Variants in CERS3 observed in about 807,000 individuals in gnomAD.
CERS3 encodes LAG1 homolog, ceramide synthase 3.
A neutral mutation model predicts 50.3 loss-of-function variants in CERS3; 33 were observed. The ratio of observed to expected loss-of-function variants is 0.66; its 90% CI spans 0.50 to 0.88. CERS3 has a LOEUF of 0.88. CERS3 is among the 40% of genes least tolerant of loss of function. CERS3 has a pLI of 0.00. For missense variants in CERS3, 470 were observed against 460.3 expected (o/e 1.02, Z -0.19); for synonymous variants, 176 against 155.2 (o/e 1.13, Z -0.99).
intron 11 of CERS3, among the ~76,000 whole-genome samples, chr15:100,441,973 T>A (rs544499817): frequency 6.6e-6 from 1 of 152,162 alleles, no homozygotes; most frequent in South Asian, 2.1e-4. Context: ...CAATTCTTCC[T>A]CAGCCTCCGC....
intron 10 of CERS3, among the ~76,000 whole-genome samples, chr15:100,463,339 G>A (rs1184759585): frequency 1.3e-5 from 2 of 148,674 alleles, no homozygotes; most frequent in Admixed American, 6.8e-5. Flanking sequence ...GGAGGCTGAG[G>A]CAGGAGAATC....
Position 100,479,977 on chromosome 15 carries a change from A to T in CERS3, c.465+12T>A. 3.1e-6 allele frequency: 5 copies of T among 1,591,398 alleles called. No individual in the cohort carries two copies. The highest frequency in any genetic ancestry group is 4.3e-6 in the Non-Finnish European group (5 of 1,164,542). ...GACAAATTCCAATCGAAGATATAAA[A>T]AGATAACTTACATCATAAAGAAACG... is the stretch of plus-strand genomic sequence containing the variant. On this transcript the variant is annotated intron_variant, in intron 6 of 11. Coordinates refer to ENST00000679737, the MANE Select transcript of CERS3 (RefSeq NM_001378789.1).
At position 100,490,876 on chromosome 15, in the gene CERS3, C is replaced by T. The variant is rs768251163; in HGVS notation, c.229G>A (p.Val77Ile). The T allele has an allele frequency of 1.9e-6, 3 of 1,612,086 alleles. No individual in the cohort carries two copies. The highest frequency in any genetic ancestry group is 1.3e-5 in the African/African-American group (1 of 74,932). ...SFGIKETVRK[V>I]TPNTVLENFF... ...TTCTCTAAGACAGTATTTGGTGTAA[C>T]CTTTCGAACTGTCTCTTTAATGCCA... Residue 77 changes from valine to isoleucine, a missense_variant, in exon 4 of 12, where the codon GTT becomes ATT. By Grantham distance (29) the Val-to-Ile change is conservative. Transcript: ENST00000679737.
intron 2 of CERS3, among the ~76,000 whole-genome samples, chr15:100,502,553 T>C (rs2036044885): frequency 6.6e-6 from 1 of 152,192 alleles, no homozygotes; most frequent in East Asian, 1.9e-4. Flanking sequence ...AGGCTCCAGG[T>C]AGGTACAAAT....
rs940395048 is a variant in CERS3 at position 100,445,906 on chromosome 15, G to T, written c.999+9987C>A. On this transcript the variant is annotated intron_variant, in intron 11 of 11. Coordinates refer to ENST00000679737, the MANE Select transcript of CERS3 (RefSeq NM_001378789.1). ...TAACTGATGACAGTCCACCACAAAAGAAGTGAAAATGGCCTGTTCCTGCCT... is the reference window on the plus strand; with the variant it reads ...TAACTGATGACAGTCCACCACAAAATAAGTGAAAATGGCCTGTTCCTGCCT... Among the ~76,000 whole-genome samples the T allele has an allele frequency of 2.2e-4, 34 of 152,296 alleles. No individual in the cohort carries two copies. In the South Asian group the frequency reaches 3.7e-3, roughly 17 times the overall value.
At position 100,519,968 on chromosome 15, in the gene CERS3, C is replaced by G. The variant is rs1393168701; in HGVS notation, c.-2+1699G>C. On this transcript the variant is annotated intron_variant, in intron 2 of 11. Coordinates refer to ENST00000679737, the MANE Select transcript of CERS3 (RefSeq NM_001378789.1). ...TTGGCCCTCCTCTGGCCTCACTTCT[C>G]CCTTGGGTGAGGAGTCCATAGGTTC... Among the ~76,000 whole-genome samples the G allele has an allele frequency of 3.3e-5, 5 of 152,288 alleles. No individual in the cohort carries two copies. The East Asian group carries it at 9.7e-4, about 29-fold the overall frequency.
At chr15:100,513,364 C>T (rs150895488) in intron 2 of CERS3, among the ~76,000 whole-genome samples, 69 of 152,220 alleles carry the variant, frequency 4.5e-4, no homozygotes, top group African/African-American at 1.6e-3. Flanking sequence ...CCTGTCTTCC[C>T]TCTCCCTGCA....
chr15:100,452,929 G>A (rs762384040), intron 11 of CERS3, among the ~76,000 whole-genome samples: 12 of 151,954 alleles, frequency 7.9e-5, no homozygotes, highest in Non-Finnish European at 1.3e-4. Context: ...CACATACAAC[G>A]TCCCAAGGCT....
intron 3 of CERS3, among the ~76,000 whole-genome samples, chr15:100,494,776 T>C (rs1467210533): frequency 1.3e-5 from 2 of 152,206 alleles, no homozygotes; most frequent in Non-Finnish European, 2.9e-5. Context: ...GCACAGAGCC[T>C]AAAGGTCATT....
upstream of CERS3, among the ~76,000 whole-genome samples, chr15:100,529,591 C>T (rs1363575644): frequency 1.3e-5 from 2 of 152,292 alleles, no homozygotes; most frequent in South Asian, 2.1e-4. Context: ...TGTTGCTTGT[C>T]TCTGTGTGCT....
chr15:100,408,071 T>C (rs144699613), intron 11 of CERS3, among the ~76,000 whole-genome samples: 1,808 of 152,058 alleles, frequency 0.012, 46 homozygotes, highest in African/African-American at 0.041. Flanking sequence ...GGGGTTTCAC[T>C]ATGTTGGCCA....
At chr15:100,510,393 T>C (rs2036305203) in intron 2 of CERS3, among the ~76,000 whole-genome samples, 1 of 152,088 alleles carries the variant, frequency 6.6e-6, no homozygotes, top group Admixed American at 6.6e-5. Context: ...TTAACAATTA[T>C]ATTAATTTAA....
intron 10 of CERS3, among the ~76,000 whole-genome samples, chr15:100,463,899 A>G (rs1317829884): frequency 1.3e-5 from 2 of 152,190 alleles, no homozygotes; most frequent in Non-Finnish European, 1.5e-5. Context: ...CTTCAGAGGA[A>G]AAGAAGGGTC....
rs139935431 is a variant in CERS3 at position 100,478,478 on chromosome 15, A to T, written c.516+950T>A. 2.0e-5 allele frequency among the ~76,000 whole-genome samples: 3 copies of T among 151,386 alleles called. No individual in the cohort carries two copies. The East Asian group carries it at 5.8e-4, about 29-fold the overall frequency. ...AGCCAGAGTATCAGTATTTGGGCCA[A>T]TCCTTCCATCCCTAATCCCCATAGG... On this transcript the variant is annotated intron_variant, in intron 7 of 11. Transcript: ENST00000679737.
intron 11 of CERS3, among the ~76,000 whole-genome samples, chr15:100,417,287 G>A (rs1425840716): frequency 1.3e-5 from 2 of 151,854 alleles, no homozygotes; most frequent in Non-Finnish European, 2.9e-5. Flanking sequence ...AAGGGGTCGG[G>A]GAGTTCCCTT....
intron 2 of CERS3, among the ~76,000 whole-genome samples, chr15:100,520,485 G>A (rs548463502): frequency 6.6e-5 from 10 of 152,254 alleles, no homozygotes; most frequent in Non-Finnish European, 1.2e-4. Context: ...TGTGACTCCT[G>A]AAGGCCCCGC....
In CERS3 at chr15:100,414,513, A is replaced by G. The variant is rs913869758; in HGVS notation, c.1000-11648T>C. ...AGAACAAAGCTGGAGGAATCATGCT[A>G]CCTGAGTTCAAGTTATACTACAAGG... is the stretch of plus-strand genomic sequence containing the variant. On this transcript the variant is annotated intron_variant, in intron 11 of 11. Coordinates refer to ENST00000679737, the MANE Select transcript of CERS3 (RefSeq NM_001378789.1). Among the ~76,000 whole-genome samples the G allele has an allele frequency of 4.6e-5, 7 of 152,196 alleles. No individual in the cohort carries two copies. The South Asian group carries it at 1.5e-3, about 32-fold the overall frequency.
chr15:100,504,683 G>A (rs971204725), intron 2 of CERS3, among the ~76,000 whole-genome samples: 8 of 152,106 alleles, frequency 5.3e-5, no homozygotes, highest in East Asian at 1.9e-4. Context: ...ATTAGGCTTC[G>A]GGGACACAGA....
intron 5 of CERS3, among the ~76,000 whole-genome samples, chr15:100,482,152 G>A (rs1170576977): frequency 6.6e-6 from 1 of 152,298 alleles, no homozygotes; most frequent in Admixed American, 6.5e-5. Context: ...CTGAAAAGAT[G>A]AATGATAATA....
Sources: allele counts gnomAD v4.1 joint callset (sites outside exome capture counted in the v4.1 genomes callset), GRCh38; gene constraint gnomAD v4.1.1; transcripts MANE v1.5; gene names NCBI Gene and HGNC (gene_info 2026-07-23, HGNC 2026-07-21).